The following SP100 variants were observed in gnomAD, a reference collection of about 807,000 sequenced individuals.
The protein encoded by SP100 is nuclear autoantigen Sp-100.
In SP100, 84 loss-of-function variants were observed where a neutral mutation model predicts 130.0. The ratio of observed to expected loss-of-function variants is 0.65; its 90% CI spans 0.54 to 0.77. The LOEUF (loss-of-function observed/expected upper bound fraction) is 0.77, where lower values mean the gene tolerates loss of function less well. Ranked by LOEUF, SP100 falls within the 30% of genes least tolerant of loss-of-function variation. The pLI is 0.00. For missense variants in SP100, 978 were observed against 1,052.2 expected (o/e 0.93, Z 0.97); for synonymous variants, 331 against 351.7 (o/e 0.94, Z 0.66).
rs977454259 is a variant in SP100 at position 230,537,822 on chromosome 2, T to C, written c.2095-1445T>C. On this transcript the variant is annotated intron_variant, in intron 24 of 28. Coordinates refer to ENST00000340126, the MANE Select transcript of SP100 (RefSeq NM_001080391.2). ...GCACAAGAAAAGTTGTGAGTCACTG[T>C]AGTGCAATACAGTTCGATCACAATT... 2.0e-5 allele frequency: 3 copies of C among 152,252 alleles called. 1 individual carries two copies. The highest frequency in any genetic ancestry group is 2.0e-4 in the Admixed American group (3 of 15,280). The allele number at this position is 152,252 out of a possible 1,614,324, so 9.4% of individuals were successfully genotyped here. A position where few individuals can be genotyped will look rare whatever the true frequency, so the allele number is the denominator to read the frequency against.
At position 230,473,433 on chromosome 2, in the gene SP100, C is replaced by A. The variant is rs1211409953; in HGVS notation, c.1539C>A (p.Asp513Glu). 1 of 1,604,422 alleles carries A rather than the reference C, an allele frequency of 6.2e-7. No homozygotes were observed. Among genetic ancestry groups the A allele is most frequent in the Non-Finnish European group, 8.5e-7 (1 of 1,171,212 alleles). Residue 513 changes from aspartate to glutamate, a missense_variant, in exon 16 of 29, where the codon GAC becomes GAA. Coordinates refer to ENST00000340126, the MANE Select transcript of SP100 (RefSeq NM_001080391.2). ...EARTESSQASDMMDTMDVENN... is the reference protein window; with the variant it reads ...EARTESSQASEMMDTMDVENN... ...GGACTGAAAGTAGTCAAGCATCTGA[C>A]ATGATGGGTAAGGCTACCCTAGGGT...
intron 19 of SP100, among the ~76,000 whole-genome samples, chr2:230,502,050 T>TA (rs71299649): frequency 0.061 from 9,141 of 149,230 alleles, 342 homozygotes; most frequent in Middle Eastern, 0.11. Flanking sequence ...TTTTTTTTTT[T>TA]AATTTTTAGT....
At position 230,486,143 on chromosome 2, in the gene SP100, G is replaced by C. The variant is rs188243678; in HGVS notation, c.1601-8273G>C. 6.6e-5 allele frequency among the ~76,000 whole-genome samples: 10 copies of C among 152,300 alleles called. No individual in the cohort carries two copies. The East Asian group carries it at 1.9e-3, about 29-fold the overall frequency. ...CCTCAGGAAACTTACAATTACAGCG[G>C]AAGGTGAAGGGGAAGCAAGCACATC... On this transcript the variant is annotated intron_variant, in intron 17 of 28. Coordinates refer to ENST00000340126, the MANE Select transcript of SP100 (RefSeq NM_001080391.2).
chr2:230,505,561 T>C (rs541216160), intron 21 of SP100, among the ~76,000 whole-genome samples: 1 of 152,286 alleles, frequency 6.6e-6, no homozygotes, highest in African/African-American at 2.4e-5. Context: ...CCTCACTGTA[T>C]TATTATGAGA....
chr2:230,437,645 A>G (rs2063333970), intron 2 of SP100, among the ~76,000 whole-genome samples: 1 of 151,600 alleles, frequency 6.6e-6, no homozygotes, highest in Admixed American at 6.6e-5. Flanking sequence ...TGCATCCTCC[A>G]CCTCCCAGGT....
chr2:230,506,334 T>C lies in SP100; in HGVS notation c.1902T>C (p.Asp634=), dbSNP rs1319124384. The C allele has an allele frequency of 7.4e-6, 12 of 1,613,880 alleles. No individual in the cohort carries two copies. The highest frequency in any genetic ancestry group is 8.5e-6 in the Non-Finnish European group (10 of 1,179,820). ...CAAAGAAGTGTATACAGAGTGAGGA[T>C]AAAAAGTGGTTCACTCCCAGGGAAT... The part of the protein sequence containing the change: ...GTSKKCIQSE[D]KKWFTPREFE... Residue 634 remains aspartate (D), a synonymous_variant, in exon 22 of 29, where the codon GAT becomes GAC. Transcript: ENST00000340126.
chr2:230,481,024 TTGGTGG>T (rs80161443), intron 17 of SP100, among the ~76,000 whole-genome samples: 55 of 144,326 alleles, frequency 3.8e-4, no homozygotes, highest in South Asian at 2.1e-3. Flanking sequence ...AGTGGTAGTA[TTGGTGG>T]TGGTGGTGGT....
intron 2 of SP100, among the ~76,000 whole-genome samples, chr2:230,438,684 CACATAT>C (rs1018279491): frequency 6.6e-6 from 1 of 150,480 alleles, no homozygotes; most frequent in African/African-American, 2.5e-5. Context: ...CACACACACA[CACATAT>C]GGTATATATA....
chr2:230,469,192 T>A, intron 14 of SP100, 96 bp downstream of exon 14: 2 of 794,554 alleles, frequency 2.5e-6, no homozygotes, highest in Non-Finnish European at 4.1e-6. Context: ...AATAAAAAAT[T>A]AATTTGTTGG....
At position 230,503,116 on chromosome 2, in the gene SP100, T is replaced by C. The variant is rs1388569359; in HGVS notation, c.1765+6T>C. The C allele has an allele frequency of 1.3e-6, 2 of 1,576,780 alleles. No individual in the cohort carries two copies. Among genetic ancestry groups the C allele is most frequent in the Admixed American group, 3.4e-5 (2 of 58,246 alleles). Reference sequence around the variant, plus strand: ...GAAAAGAAGAAGAAAAAGAGGTAAATAGAAGTGATCGATATGTTTTTCATA... The same window carrying C: ...GAAAAGAAGAAGAAAAAGAGGTAAACAGAAGTGATCGATATGTTTTTCATA... On this transcript the variant is annotated splice_donor_region_variant and intron_variant, in intron 20 of 28. Coordinates refer to ENST00000340126, the MANE Select transcript of SP100 (RefSeq NM_001080391.2).
Position 230,450,253 on chromosome 2 carries a change from A to C in SP100, c.818A>C (p.Glu273Ala), listed in dbSNP as rs1240300355. Residue 273 changes from glutamate to alanine, a missense_variant and splice_region_variant, in exon 8 of 29, where the codon GAA becomes GCA. By Grantham distance (107) the Glu-to-Ala change is moderately radical. Coordinates refer to ENST00000340126, the MANE Select transcript of SP100 (RefSeq NM_001080391.2). ...CCCTGCCCGTTGCCCTGTGATGAAG[A>C]AAGTAATTATTGCTTACCTTGCCTA... ...EMPCPLPCDE[E>A]SPEAELHNHG... 3 of 1,609,600 alleles carry C rather than the reference A, an allele frequency of 1.9e-6. No homozygotes were observed. The South Asian group carries it at 3.3e-5, about 18-fold the overall frequency.
chr2:230,442,952 C>A lies in SP100; in HGVS notation c.123C>A (p.Asp41Glu). ...SHDLQRMFTE[D>E]QGVDDRLLYD... Reference sequence around the variant, plus strand: ...TTTTCCCTAGGATGTTCACGGAAGACCAGGGTGTAGATGACAGGCTGCTCT... The same window carrying A: ...TTTTCCCTAGGATGTTCACGGAAGAACAGGGTGTAGATGACAGGCTGCTCT... The change falls in exon 3 of 29, where the codon GAC becomes GAA. Residue 41 changes from aspartate (D) to glutamate (E), a missense_variant. Physicochemically the swap from Asp to Glu is conservative, Grantham distance 45 (BLOSUM62 2). Transcript: ENST00000340126. The A allele has an allele frequency of 6.2e-7, 1 of 1,613,568 alleles. No individual in the cohort carries two copies. The highest frequency in any genetic ancestry group is 8.5e-7 in the Non-Finnish European group (1 of 1,179,768).
Position 230,541,624 on chromosome 2 carries a change from C to T in SP100, c.2403+252C>T, listed in dbSNP as rs575941533. ...AGGGCTGTCTTCTAGGTGTCAGAGACGACACAGGGTTGCTCCCTGTGTTCT... is the reference window on the plus strand; with the variant it reads ...AGGGCTGTCTTCTAGGTGTCAGAGATGACACAGGGTTGCTCCCTGTGTTCT... On this transcript the variant is annotated intron_variant, in intron 27 of 28. Transcript: ENST00000340126. 1.6e-4 allele frequency among the ~76,000 whole-genome samples: 24 copies of T among 152,254 alleles called. 1 individual carries two copies. The highest frequency in any genetic ancestry group is 7.7e-4 in the East Asian group (4 of 5,166).
intron 2 of SP100, among the ~76,000 whole-genome samples, chr2:230,422,885 A>AT (rs920361091): frequency 4.5e-4 from 69 of 152,080 alleles, no homozygotes; most frequent in African/African-American, 1.4e-3. Context: ...TTGTTGTGGG[A>AT]TTTTACCTCA....
At chr2:230,496,695 T>A (rs1020439564) in intron 18 of SP100, among the ~76,000 whole-genome samples, 1 of 152,210 alleles carries the variant, frequency 6.6e-6, no homozygotes, top group African/African-American at 2.4e-5. Context: ...AGAGAACCTC[T>A]CAACCAAAGT....
At chr2:230,499,951 C>A (rs1228177315) in intron 19 of SP100, among the ~76,000 whole-genome samples, 1 of 152,124 alleles carries the variant, frequency 6.6e-6, no homozygotes, top group Non-Finnish European at 1.5e-5. Context: ...CTGGCAGAAC[C>A]AGGCTCCCAA....
intron 8 of SP100, among the ~76,000 whole-genome samples, chr2:230,459,721 C>T (rs1001314913): frequency 2.0e-5 from 3 of 152,214 alleles, no homozygotes; most frequent in African/African-American, 4.8e-5. Flanking sequence ...ATCCCCAGCA[C>T]GAACACCCTA....
intron 11 of SP100, 119 bp downstream of exon 11, chr2:230,464,269 C>T (rs2064819454): frequency 3.1e-6 from 2 of 655,270 alleles, no homozygotes; most frequent in Non-Finnish European, 5.5e-6. Flanking sequence ...TCCATAAATT[C>T]TAGAATATCA....
intron 2 of SP100, among the ~76,000 whole-genome samples, chr2:230,423,157 T>C (rs2062820175): frequency 6.6e-6 from 1 of 152,206 alleles, no homozygotes. Context: ...GAAAGCAGAT[T>C]AGTGAAGCTC....
Sources: gnomAD v4.1 joint callset for allele counts (sites outside exome capture counted in the v4.1 genomes callset) on GRCh38, gnomAD v4.1.1 for gene constraint, MANE v1.5 for transcripts, NCBI Gene and HGNC (gene_info 2026-07-23, HGNC 2026-07-21) for gene names.